Variants in LOXHD1 observed in about 807,000 individuals in gnomAD.
LOXHD1 encodes the protein lipoxygenase homology PLAT domains 1.
A neutral mutation model predicts 248.2 loss-of-function variants in LOXHD1; 205 were observed. The ratio of observed to expected loss-of-function variants is 0.83; its 90% CI spans 0.74 to 0.93. The LOEUF (loss-of-function observed/expected upper bound fraction) is 0.93, where lower values mean the gene tolerates loss of function less well. LOXHD1 is among the 40% of genes least tolerant of loss of function. The probability of loss-of-function intolerance (pLI) is 0.00; values close to 1 mark genes in which losing one functional copy is unlikely to be tolerated. For synonymous variants in LOXHD1, 1,113 were observed against 1,162.8 expected (o/e 0.96, Z 0.87); for missense variants, 2,930 against 2,971.6 (o/e 0.99, Z 0.33).
Position 46,566,262 on chromosome 18 carries a change from T to C in LOXHD1, c.2432A>G (p.Gln811Arg), listed in dbSNP as rs1568189808. ...CACCACAGCCTCCTCCATACATTTC[T>C]GGATCTCCACCACCTCGCTGGGATA... ...ELYPSEVVEI[Q>R]KLVHYEVEIW... Residue 811 changes from glutamine (Q) to arginine (R), a missense_variant, in exon 17 of 41, where the codon CAG becomes CGG. Coordinates refer to ENST00000642948, the MANE Select transcript of LOXHD1 (RefSeq NM_001384474.1). 2 of 1,548,670 alleles carry C rather than the reference T, an allele frequency of 1.3e-6. No individual in the cohort carries two copies. Among genetic ancestry groups the C allele is most frequent in the South Asian group, 2.4e-5 (2 of 83,962 alleles).
At chr18:46,534,638 C>T (rs369985005) in intron 26 of LOXHD1, among the ~76,000 whole-genome samples, 187 bp from the exon 27 acceptor site, 2 of 152,148 alleles carry the variant, frequency 1.3e-5, no homozygotes, top group South Asian at 2.1e-4. Context: ...TGCCTCATGT[C>T]CCCTCTCTTA....
In LOXHD1 at chr18:46,657,133, C is replaced by A. The variant is rs1269060168; in HGVS notation, c.-100G>T. The A allele has an allele frequency of 1.3e-6, 2 of 1,536,086 alleles. No individual in the cohort carries two copies. Among genetic ancestry groups the A allele is most frequent in the Admixed American group, 4.0e-5 (2 of 50,618 alleles). ...CCTCCCTGAGCTCTGGCGCCCACGGCCCTCCTATAGCTCAGGCCTGGGTGG... is the reference window on the plus strand; with the variant it reads ...CCTCCCTGAGCTCTGGCGCCCACGGACCTCCTATAGCTCAGGCCTGGGTGG... On this transcript the variant is annotated 5_prime_UTR_variant, in exon 1 of 41. Coordinates refer to ENST00000642948, the MANE Select transcript of LOXHD1 (RefSeq NM_001384474.1).
intron 4 of LOXHD1, among the ~76,000 whole-genome samples, chr18:46,624,469 C>T (rs1316970234): frequency 6.6e-6 from 1 of 152,184 alleles, no homozygotes; most frequent in African/African-American, 2.4e-5. Context: ...GTGCCGGTGC[C>T]GGAAGCTGGC....
At chr18:46,543,022 A>T (rs2036631885) in intron 23 of LOXHD1, among the ~76,000 whole-genome samples, 167 bp from the exon 24 acceptor site, 1 of 152,198 alleles carries the variant, frequency 6.6e-6, no homozygotes, top group Non-Finnish European at 1.5e-5. Flanking sequence ...TGGGCATTTT[A>T]AAAAATTTTT....
rs1381096447 is a variant in LOXHD1, at chr18:46,524,483, T to C, written c.4859A>G (p.Tyr1620Cys). 6.4e-7 allele frequency: 1 copy of C among 1,551,346 alleles called. No homozygotes were observed. Among genetic ancestry groups the C allele is most frequent in the Non-Finnish European group, 8.7e-7 (1 of 1,146,784 alleles). ...ISTVTGPMAD[Y>C]VQEGPIIPYY... Reference sequence around the variant, plus strand: ...TGGCTTACTTGGGCCCTCTTGAACGTAGTCAGCCATGGGCCCGGTCACTGT... The same window carrying C: ...TGGCTTACTTGGGCCCTCTTGAACGCAGTCAGCCATGGGCCCGGTCACTGT... Residue 1620 changes from tyrosine (Y) to cysteine (C), a missense_variant, in exon 31 of 41, where the codon TAC becomes TGC. By Grantham distance (194) the Tyr-to-Cys change is radical (BLOSUM62 -2). Transcript: ENST00000642948.
chr18:46,552,591 C>T (rs1200135161), intron 21 of LOXHD1, among the ~76,000 whole-genome samples: 1 of 152,178 alleles, frequency 6.6e-6, no homozygotes, highest in African/African-American at 2.4e-5. Flanking sequence ...ACAGAGCTCT[C>T]CCTTGGGGTG....
At chr18:46,506,337 A>T (rs2034571619) in intron 36 of LOXHD1, among the ~76,000 whole-genome samples, 1 of 152,310 alleles carries the variant, frequency 6.6e-6, no homozygotes, top group Non-Finnish European at 1.5e-5. Context: ...CGTGTCATAT[A>T]GGCTGGCTTT....
At chr18:46,630,133 A>C (rs2038801161) in intron 4 of LOXHD1, among the ~76,000 whole-genome samples, 1 of 152,188 alleles carries the variant, frequency 6.6e-6, no homozygotes, top group Non-Finnish European at 1.5e-5. Context: ...TCTGAATGCA[A>C]GGGGCCTCTC....
intron 33 of LOXHD1, among the ~76,000 whole-genome samples, chr18:46,520,896 A>G (rs1598905874): frequency 6.6e-6 from 1 of 152,206 alleles, no homozygotes; most frequent in Non-Finnish European, 1.5e-5. Flanking sequence ...GACTTGCCCA[A>G]GGTCACACGG....
intron 5 of LOXHD1, among the ~76,000 whole-genome samples, chr18:46,613,504 G>T (rs531364914): frequency 2.7e-4 from 41 of 152,120 alleles, no homozygotes; most frequent in African/African-American, 9.4e-4. Flanking sequence ...TTACAAAAAT[G>T]AAAGTCTGTT....
intron 14 of LOXHD1, among the ~76,000 whole-genome samples, chr18:46,575,392 T>A (rs1029773889): frequency 6.6e-6 from 1 of 151,946 alleles, no homozygotes; most frequent in Non-Finnish European, 1.5e-5. Context: ...CCCACCCCAT[T>A]CATACATTTA....
chr18:46,585,642 C>T (rs909438467), intron 12 of LOXHD1, among the ~76,000 whole-genome samples: 5 of 152,128 alleles, frequency 3.3e-5, no homozygotes, highest in African/African-American at 1.2e-4. Context: ...TTCAATGTAG[C>T]CCCTAACAGA....
intron 17 of LOXHD1, among the ~76,000 whole-genome samples, chr18:46,565,414 T>A (rs1345139481): frequency 2.0e-5 from 3 of 152,236 alleles, no homozygotes; most frequent in Non-Finnish European, 4.4e-5. Context: ...CTCTTGGCTG[T>A]TCATTCGCAT....
intron 4 of LOXHD1, 52 bp downstream of exon 4, chr18:46,639,564 G>C: frequency 6.6e-7 from 1 of 1,513,600 alleles, no homozygotes; most frequent in Non-Finnish European, 8.9e-7. Context: ...TTTCCTGGGT[G>C]AGCCCAGCCC....
In LOXHD1 at chr18:46,541,903, C is replaced by T. The variant is rs1342272087; in HGVS notation, c.3786G>A (p.Val1262=). ...TGCACTTCCCAAGAGATGGGGCATC[C>T]ACCTCTACCCAGTCTACAAACCAGC... ...APGWFVDWVE[V]DAPSLGKCMT... The change falls in exon 25 of 41, where the codon GTG becomes GTA. Residue 1262 remains valine (V), a synonymous_variant. Transcript: ENST00000642948. 16 of 1,551,690 alleles carry T rather than the reference C, an allele frequency of 1.0e-5. No homozygotes were observed. The highest frequency in any genetic ancestry group is 1.3e-5 in the Non-Finnish European group (15 of 1,146,996).
intron 12 of LOXHD1, among the ~76,000 whole-genome samples, chr18:46,586,110 C>A (rs958951703): frequency 6.6e-6 from 1 of 152,158 alleles, no homozygotes; most frequent in Non-Finnish European, 1.5e-5. Flanking sequence ...ATGGATGAAT[C>A]TTGAAAACAT....
At chr18:46,650,660 C>T (rs1599078114) in intron 1 of LOXHD1, among the ~76,000 whole-genome samples, 1 of 152,124 alleles carries the variant, frequency 6.6e-6, no homozygotes, top group East Asian at 1.9e-4. Context: ...CCTGTCAATT[C>T]AGAGCCCATT....
chr18:46,563,305 T>C (rs1336357769), intron 17 of LOXHD1, 80 bp from the exon 18 acceptor site: 2 of 1,358,168 alleles, frequency 1.5e-6, no homozygotes, highest in African/African-American at 1.4e-5. Flanking sequence ...AAACCTTTCC[T>C]GAGCCTGTTC....
chr18:46,561,661 A>T (rs573206775), intron 18 of LOXHD1, among the ~76,000 whole-genome samples: 1 of 152,222 alleles, frequency 6.6e-6, no homozygotes, highest in South Asian at 2.1e-4. Flanking sequence ...CTAGATGAGA[A>T]CTCAGGCCTT....
Sources: gnomAD v4.1 joint callset for allele counts (sites outside exome capture counted in the v4.1 genomes callset) on GRCh38, gnomAD v4.1.1 for gene constraint, MANE v1.5 for transcripts, NCBI Gene and HGNC (gene_info 2026-07-23, HGNC 2026-07-21) for gene names.